Variants in SPAG16 observed in about 807,000 individuals in gnomAD.
SPAG16 encodes sperm-associated antigen 16 protein.
A neutral mutation model predicts 80.4 loss-of-function variants in SPAG16; 86 were observed. That is an observed-to-expected ratio of 1.07 (90% CI 0.90 to 1.28). The LOEUF is 1.28. Among genes scored for constraint, SPAG16 ranks in the 50% most tolerant of loss-of-function variants. The probability of loss-of-function intolerance (pLI) is 0.00; values close to 1 mark genes in which losing one functional copy is unlikely to be tolerated. For missense variants in SPAG16, 870 were observed against 765.3 expected (o/e 1.14, Z -1.61); for synonymous variants, 294 against 265.9 (o/e 1.11, Z -1.03).
At chr2:213,430,537 T>G (rs2070227970) in intron 9 of SPAG16, among the ~76,000 whole-genome samples, 1 of 151,726 alleles carries the variant, frequency 6.6e-6, no homozygotes, top group Admixed American at 6.5e-5. Context: ...ACAATTATTC[T>G]TCTTCCAATG....
At chr2:214,012,682 C>A (rs2047372168) in intron 12 of SPAG16, among the ~76,000 whole-genome samples, 1 of 152,002 alleles carries the variant, frequency 6.6e-6, no homozygotes, top group African/African-American at 2.4e-5. Flanking sequence ...TATTTGTTCT[C>A]TATTTTAAAA....
intron 10 of SPAG16, among the ~76,000 whole-genome samples, chr2:213,829,493 C>G (rs914958599): frequency 1.3e-5 from 2 of 152,140 alleles, no homozygotes; most frequent in South Asian, 2.1e-4. Context: ...CCCTTCCCCA[C>G]TATGGCCAAG....
chr2:213,566,143 G>A lies in SPAG16; in HGVS notation c.1070+76053G>A, dbSNP rs577580325. Among the ~76,000 whole-genome samples, 3 of 152,262 alleles carry A rather than the reference G, an allele frequency of 2.0e-5. No homozygotes were observed. In the East Asian group the frequency reaches 5.8e-4, roughly 29 times the overall value. ...CAGAGTATGGCAAAGTCAATGGGTT[G>A]CTGGAGTGAAGGAGGAGGTAATTAA... On this transcript the variant is annotated intron_variant, in intron 10 of 15. Transcript: ENST00000331683.
chr2:214,351,589 G>A (rs1698409379), intron 15 of SPAG16, among the ~76,000 whole-genome samples: 1 of 152,088 alleles, frequency 6.6e-6, no homozygotes, highest in African/African-American at 2.4e-5. Context: ...TGTAGTCCCA[G>A]ATGCTCAGGA....
intron 9 of SPAG16, among the ~76,000 whole-genome samples, chr2:213,407,984 G>GAGAGGAGAGAGGCAGAGAGAGAC: frequency 7.3e-6 from 1 of 136,092 alleles, no homozygotes; most frequent in Non-Finnish European, 1.6e-5. Flanking sequence ...AGGAGAGAGA[G>GAGAGGAGAGAGGCAGAGAGAGAC]AGGAGAGAGG....
chr2:213,666,203 G>A (rs1020237022), intron 10 of SPAG16, among the ~76,000 whole-genome samples: 2 of 151,930 alleles, frequency 1.3e-5, no homozygotes, highest in East Asian at 3.9e-4. Flanking sequence ...CCCAAAATTC[G>A]AGTTTTTCTT....
chr2:213,703,106 C>G (rs1053756817), intron 10 of SPAG16, among the ~76,000 whole-genome samples: 2 of 152,136 alleles, frequency 1.3e-5, no homozygotes, highest in Non-Finnish European at 2.9e-5. Context: ...CTCTTTTTCC[C>G]TCTCCTGTGA....
chr2:213,407,600 A>ACAG (rs2068689158), intron 9 of SPAG16, among the ~76,000 whole-genome samples: 27 of 26,816 alleles, frequency 1.0e-3, no homozygotes, highest in African/African-American at 5.1e-3. Context: ...GAGACAGGAG[A>ACAG]GAGAGAGAGA....
chr2:213,575,361 C>G (rs577792600), intron 10 of SPAG16, among the ~76,000 whole-genome samples: 41 of 152,118 alleles, frequency 2.7e-4, no homozygotes, highest in South Asian at 6.2e-4. Context: ...TATGTTGATA[C>G]TTTGAAAGTA....
chr2:213,472,629 C>T (rs1301624585), intron 9 of SPAG16, among the ~76,000 whole-genome samples: 1 of 152,162 alleles, frequency 6.6e-6, no homozygotes, highest in African/African-American at 2.4e-5. Context: ...GTCAGAGAGC[C>T]AATGTGAGAG....
chr2:214,028,816 A>C (rs890440497), intron 13 of SPAG16, among the ~76,000 whole-genome samples: 2 of 152,008 alleles, frequency 1.3e-5, no homozygotes, highest in African/African-American at 4.8e-5. Context: ...TATGTGTTGA[A>C]TGATTTTATT....
rs2065268235 is a variant in SPAG16, at chr2:213,350,509, T to A, written c.645-19T>A. The stretch of plus-strand genomic sequence containing the variant: ...AACTCAATAACCCCTTAAGATGCTA[T>A]TGACTTTATTTTTTATAGGTTGAAG... On this transcript the variant is annotated intron_variant, in intron 6 of 15. Coordinates refer to ENST00000331683, the MANE Select transcript of SPAG16 (RefSeq NM_024532.5). 1 of 1,394,452 alleles carries A rather than the reference T, an allele frequency of 7.2e-7. No individual in the cohort carries two copies. Among genetic ancestry groups the A allele is most frequent in the Admixed American group, 2.3e-5 (1 of 42,804 alleles). The allele number at this position is 1,394,452 out of a possible 1,614,324, so 86.4% of individuals were successfully genotyped here.
intron 13 of SPAG16, among the ~76,000 whole-genome samples, chr2:214,041,562 T>C (rs1351650908): frequency 6.6e-6 from 1 of 151,930 alleles, no homozygotes; most frequent in East Asian, 1.9e-4. Flanking sequence ...TATAAGGGAC[T>C]AAGTTATTAG....
chr2:214,274,646 C>T (rs1053268464), intron 15 of SPAG16, among the ~76,000 whole-genome samples: 2 of 152,128 alleles, frequency 1.3e-5, no homozygotes, highest in African/African-American at 4.8e-5. Context: ...AGGGATGAAG[C>T]TCACTTGATT....
chr2:213,291,706 A>G (rs936190642), intron 1 of SPAG16, among the ~76,000 whole-genome samples: 1 of 152,138 alleles, frequency 6.6e-6, no homozygotes, highest in South Asian at 2.1e-4. Flanking sequence ...GTGTATTCCT[A>G]TTGTGTCACT....
chr2:214,380,847 G>A (rs547199522), intron 15 of SPAG16, among the ~76,000 whole-genome samples: 16 of 152,312 alleles, frequency 1.1e-4, no homozygotes, highest in African/African-American at 3.6e-4. Context: ...GTCAATTATT[G>A]CTTCCACTTC....
intron 11 of SPAG16, among the ~76,000 whole-genome samples, chr2:213,911,215 A>T (rs1171688329): frequency 6.6e-6 from 1 of 152,198 alleles, no homozygotes; most frequent in Non-Finnish European, 1.5e-5. Flanking sequence ...GCACGATCAC[A>T]GCTCACTGCA....
chr2:214,302,634 C>T (rs1025978635), intron 15 of SPAG16, among the ~76,000 whole-genome samples: 1 of 152,104 alleles, frequency 6.6e-6, no homozygotes, highest in African/African-American at 2.4e-5. Flanking sequence ...GTGTGCACCA[C>T]CGCACCCGGC....
chr2:213,727,150 A>G (rs2066804473), intron 10 of SPAG16, among the ~76,000 whole-genome samples: 1 of 152,228 alleles, frequency 6.6e-6, no homozygotes. Flanking sequence ...GAGGAAATAA[A>G]TAATTCAATT....
Sources: allele counts gnomAD v4.1 joint callset (sites outside exome capture counted in the v4.1 genomes callset), GRCh38; gene constraint gnomAD v4.1.1; transcripts MANE v1.5; gene names NCBI Gene and HGNC (gene_info 2026-07-23, HGNC 2026-07-21).